The following NPLOC4 variants were observed in gnomAD, a reference collection of about 807,000 sequenced individuals.
NPLOC4 encodes NPL4 homolog, ubiquitin recognition factor.
Under a neutral mutation model 80.6 loss-of-function variants are expected in NPLOC4, and 18 were observed. The observed-to-expected ratio is 0.22, with a 90% CI of 0.15 to 0.33. The LOEUF is 0.33. Among genes scored for constraint, NPLOC4 ranks in the 10% least tolerant of loss-of-function variants. The pLI, the probability that NPLOC4 is intolerant of heterozygous loss-of-function variation, is 1.00. For synonymous variants in NPLOC4, 313 were observed against 301.5 expected, an observed-to-expected ratio of 1.04 and a Z score of -0.39; for missense variants, 540 against 786.1, an observed-to-expected ratio of 0.69 and a Z score of 3.74.
intron 2 of NPLOC4, among the ~76,000 whole-genome samples, chr17:81,626,650 T>A (rs978163100): frequency 1.3e-5 from 2 of 152,072 alleles, no homozygotes; most frequent in Non-Finnish European, 1.5e-5. Flanking sequence ...CTAGACAACA[T>A]GGTGAAACCC....
At chr17:81,606,118 G>A (rs1048838753) in intron 7 of NPLOC4, among the ~76,000 whole-genome samples, 6 of 151,984 alleles carry the variant, frequency 3.9e-5, no homozygotes, top group South Asian at 2.1e-4. Context: ...CACCTTGCCC[G>A]GCCAAAATAA....
At chr17:81,589,546 A>C (rs1331069930) in intron 11 of NPLOC4, among the ~76,000 whole-genome samples, 1 of 151,678 alleles carries the variant, frequency 6.6e-6, no homozygotes, top group East Asian at 1.9e-4. Flanking sequence ...AAAAAAAAAA[A>C]AATTCAGTAG....
At chr17:81,587,979 A>G (rs1210215434) in intron 12 of NPLOC4, 3 of 152,066 alleles carry the variant, frequency 2.0e-5, no homozygotes, top group South Asian at 2.1e-4. Flanking sequence ...CCGGCCGAAA[A>G]AAGTTAATAT....
intron 8 of NPLOC4, among the ~76,000 whole-genome samples, chr17:81,601,240 G>A (rs2035050030): frequency 6.6e-6 from 1 of 152,146 alleles, no homozygotes. Flanking sequence ...TACAGTAACT[G>A]GGCATATCCT....
chr17:81,592,702 G>T (rs2034782074), intron 11 of NPLOC4, among the ~76,000 whole-genome samples: 1 of 152,194 alleles, frequency 6.6e-6, no homozygotes, highest in Non-Finnish European at 1.5e-5. Flanking sequence ...ACAGTAATTA[G>T]ACTGGGCACA....
intron 12 of NPLOC4, among the ~76,000 whole-genome samples, chr17:81,585,851 T>C (rs1285228690): frequency 6.6e-6 from 1 of 151,564 alleles, no homozygotes; most frequent in Non-Finnish European, 1.5e-5. Flanking sequence ...TAGGTGGGCA[T>C]GGTAGTGTGC....
intron 12 of NPLOC4, among the ~76,000 whole-genome samples, chr17:81,585,154 AAC>A (rs2034540218): frequency 7.4e-6 from 1 of 135,558 alleles, no homozygotes; most frequent in Non-Finnish European, 1.6e-5. Flanking sequence ...TGGGCGACAG[AAC>A]GAGACTCTGT....
intron 2 of NPLOC4, among the ~76,000 whole-genome samples, chr17:81,628,651 A>C (rs199688182): frequency 5.3e-5 from 8 of 152,350 alleles, no homozygotes; most frequent in East Asian, 1.9e-4. Flanking sequence ...AAGAGAAACA[A>C]CACCAGACAG....
chr17:81,566,209 G>A (rs1242882650), intron 15 of NPLOC4, among the ~76,000 whole-genome samples: 2 of 152,180 alleles, frequency 1.3e-5, no homozygotes, highest in Non-Finnish European at 2.9e-5. Flanking sequence ...GCGGGCACCT[G>A]TAATCCCAGC....
At chr17:81,630,179 G>GAAA (rs200318542) in intron 1 of NPLOC4, among the ~76,000 whole-genome samples, 1 of 127,154 alleles carries the variant, frequency 7.9e-6, no homozygotes, top group African/African-American at 2.9e-5. Flanking sequence ...TTACTTTGGG[G>GAAA]AAAAAAAAAA....
rs1373080780 is a variant in NPLOC4 at position 81,567,264 on chromosome 17, C to T, written c.1566+153G>A. The stretch of plus-strand genomic sequence containing the variant: ...TGAAAAGCTGCTGCCTACACTCTGC[C>T]CATAGGACAAATGAGGGGGACAACC... On this transcript the variant is annotated intron_variant, in intron 15 of 16. Coordinates refer to ENST00000331134, the MANE Select transcript of NPLOC4 (RefSeq NM_017921.4). This position sits in a 1 kb window ranked among gnomAD's most constrained non-coding sequence, Gnocchi z 4.5. 6.6e-6 allele frequency among the ~76,000 whole-genome samples: 1 copy of T among 152,148 alleles called. No individual in the cohort carries two copies. Among genetic ancestry groups the T allele is most frequent in the Non-Finnish European group, 1.5e-5 (1 of 68,032 alleles).
At position 81,565,493 on chromosome 17, in the gene NPLOC4, G is replaced by T; in HGVS notation, c.1669+12C>A. On this transcript the variant is annotated intron_variant, in intron 16 of 16. Transcript: ENST00000331134. ...GCCACGGGGTGCCGGGGCAGGGGGTGGGGGTACTCACTGCACAGCTGCTCG... is the reference window on the plus strand; with the variant it reads ...GCCACGGGGTGCCGGGGCAGGGGGTTGGGGTACTCACTGCACAGCTGCTCG... 3.3e-6 allele frequency: 5 copies of T among 1,537,242 alleles called. No homozygotes were observed. Among genetic ancestry groups the T allele is most frequent in the South Asian group, 1.2e-5 (1 of 83,858 alleles).
intron 12 of NPLOC4, among the ~76,000 whole-genome samples, chr17:81,583,483 T>G (rs62074662): frequency 0.08 from 12,160 of 152,268 alleles, 562 homozygotes; most frequent in Middle Eastern, 0.17. Flanking sequence ...GGACAAATGT[T>G]CCCTTTCACA....
intron 4 of NPLOC4, among the ~76,000 whole-genome samples, chr17:81,610,651 G>C (rs978869200): frequency 4.6e-5 from 7 of 152,234 alleles, no homozygotes; most frequent in African/African-American, 1.4e-4. Context: ...GGTATCCACT[G>C]CTTAAAATGA....
intron 16 of NPLOC4, chr17:81,560,840 T>C (rs1289040676): frequency 1.3e-5 from 2 of 152,036 alleles, no homozygotes; most frequent in Non-Finnish European, 2.9e-5. Context: ...GGTACGAGAG[T>C]CCCAGCTGCT....
chr17:81,628,504 T>G (rs1219044659), intron 2 of NPLOC4, among the ~76,000 whole-genome samples: 3 of 151,572 alleles, frequency 2.0e-5, no homozygotes, highest in South Asian at 2.1e-4. Context: ...CAGAGTGAGA[T>G]GCCATCTCAA....
intron 4 of NPLOC4, among the ~76,000 whole-genome samples, chr17:81,611,414 A>T (rs1286077596): frequency 6.6e-6 from 1 of 151,338 alleles, no homozygotes; most frequent in African/African-American, 2.4e-5. Context: ...CAGAGGTATG[A>T]TCTCGGCTCC....
chr17:81,627,768 C>A (rs2035833056), intron 2 of NPLOC4, among the ~76,000 whole-genome samples: 1 of 151,232 alleles, frequency 6.6e-6, no homozygotes, highest in African/African-American at 2.4e-5. Flanking sequence ...AACTCTGTCT[C>A]AAAAAACAAA....
rs2034902410 is a variant in NPLOC4, at chr17:81,596,099, T to C, written c.1120+17A>G. On this transcript the variant is annotated intron_variant, in intron 11 of 16. Coordinates refer to ENST00000331134, the MANE Select transcript of NPLOC4 (RefSeq NM_017921.4). Reference sequence around the variant, plus strand: ...ACGAGGTGGTAATATTTACAGTACATACTGTCCCTGTTATACCTGTAGCCA... The same window carrying C: ...ACGAGGTGGTAATATTTACAGTACACACTGTCCCTGTTATACCTGTAGCCA... 5.0e-6 allele frequency: 8 copies of C among 1,611,932 alleles called. No homozygotes were observed. The East Asian group carries it at 6.7e-5, about 13-fold the overall frequency.
Sources: allele counts gnomAD v4.1 joint callset (sites outside exome capture counted in the v4.1 genomes callset), GRCh38; gene constraint gnomAD v4.1.1; non-coding constraint Gnocchi (gnomAD v3.1); transcripts MANE v1.5; gene names NCBI Gene and HGNC (gene_info 2026-07-23, HGNC 2026-07-21).